Variants in GADL1 observed in about 807,000 individuals in gnomAD.
GADL1 encodes acidic amino acid decarboxylase GADL1.
In GADL1, 71 loss-of-function variants were observed where a neutral mutation model predicts 69.5. The observed-to-expected ratio is 1.02, with a 90% CI of 0.84 to 1.25. The LOEUF (loss-of-function observed/expected upper bound fraction) is 1.25. Ranked by LOEUF, GADL1 falls within the 50% of genes most tolerant of loss-of-function variation. GADL1 has a pLI of 0.00. For synonymous variants in GADL1, 254 were observed against 214.4 expected (o/e 1.18, Z -1.62); for missense variants, 737 against 631.8 (o/e 1.17, Z -1.79).
chr3:30,791,284 T>G (rs548241316), intron 12 of GADL1, among the ~76,000 whole-genome samples: 18 of 152,320 alleles, frequency 1.2e-4, no homozygotes, highest in African/African-American at 3.4e-4. Context: ...ACTGGCAATC[T>G]GTTAACTCAA....
chr3:30,760,811 G>A (rs1575189591), intron 14 of GADL1, among the ~76,000 whole-genome samples: 1 of 152,122 alleles, frequency 6.6e-6, no homozygotes, highest in African/African-American at 2.4e-5. Flanking sequence ...TCAGGTGGGG[G>A]CAGGGTGATG....
At chr3:30,805,575 T>TATG (rs972106600) in intron 11 of GADL1, among the ~76,000 whole-genome samples, 2 of 152,112 alleles carry the variant, frequency 1.3e-5, no homozygotes, top group Non-Finnish European at 2.9e-5. Flanking sequence ...ATTCACTCAT[T>TATG]ATGTGAAAGA....
intron 1 of GADL1, among the ~76,000 whole-genome samples, chr3:30,873,188 A>C (rs1373971664): frequency 6.6e-6 from 1 of 151,940 alleles, no homozygotes; most frequent in Non-Finnish European, 1.5e-5. Context: ...ATGAAACAAA[A>C]ATATAATTGC....
At chr3:30,746,597 A>T (rs1252648734) in intron 14 of GADL1, among the ~76,000 whole-genome samples, 1 of 152,178 alleles carries the variant, frequency 6.6e-6, no homozygotes, top group Non-Finnish European at 1.5e-5. Context: ...ATAAGGTGAC[A>T]GGTGGGCCAA....
chr3:30,783,548 C>T (rs903272786), intron 13 of GADL1, among the ~76,000 whole-genome samples: 4 of 152,152 alleles, frequency 2.6e-5, no homozygotes, highest in Non-Finnish European at 5.9e-5. Flanking sequence ...AATACATGTA[C>T]ATATACATAT....
chr3:30,805,495 T>A (rs977148213), intron 11 of GADL1, among the ~76,000 whole-genome samples: 1 of 152,186 alleles, frequency 6.6e-6, no homozygotes, highest in Non-Finnish European at 1.5e-5. Context: ...TTAGCACCAG[T>A]AATATCCTGT....
chr3:30,772,740 G>A (rs995074987), intron 14 of GADL1, among the ~76,000 whole-genome samples: 1 of 152,162 alleles, frequency 6.6e-6, no homozygotes, highest in Admixed American at 6.5e-5. Context: ...TCAGGGCATA[G>A]TGGTGAGCAG....
At chr3:30,739,131 G>A (rs959373872) in intron 14 of GADL1, among the ~76,000 whole-genome samples, 6 of 152,196 alleles carry the variant, frequency 3.9e-5, no homozygotes, top group African/African-American at 1.4e-4. Flanking sequence ...TCAGGCTTGG[G>A]AGGCCTAGCT....
chr3:30,759,425 C>T (rs1264666782), intron 14 of GADL1, among the ~76,000 whole-genome samples: 2 of 152,132 alleles, frequency 1.3e-5, no homozygotes, highest in African/African-American at 4.8e-5. Flanking sequence ...TACAGTAACT[C>T]TTAGAAACAT....
intron 14 of GADL1, among the ~76,000 whole-genome samples, chr3:30,753,209 CAG>C (rs985207648): frequency 1.3e-5 from 2 of 152,106 alleles, no homozygotes; most frequent in African/African-American, 2.4e-5. Flanking sequence ...TGCAGGCAAG[CAG>C]AAATTCCCTT....
intron 14 of GADL1, among the ~76,000 whole-genome samples, chr3:30,762,554 C>G (rs548676474): frequency 6.6e-6 from 1 of 152,206 alleles, no homozygotes; most frequent in East Asian, 1.9e-4. Context: ...CAGGCATGCA[C>G]TGAAATAAGC....
intron 13 of GADL1, among the ~76,000 whole-genome samples, chr3:30,779,859 C>T (rs73061080): frequency 6.6e-6 from 1 of 152,122 alleles, no homozygotes; most frequent in South Asian, 2.1e-4. Context: ...GTGGTCCAAT[C>T]TTAGACTTTG....
rs144097051 is a variant in GADL1 at position 30,756,555 on chromosome 3, G to C, written c.1392+21624C>G. ...TAGCCTGGTCTTGGAATTTGCTTTG[G>C]TTCATAGAAAACAGCAGAAGTAATC... On this transcript the variant is annotated intron_variant, in intron 14 of 14. Transcript: ENST00000282538. Among the ~76,000 whole-genome samples, 282 of 152,108 alleles carry C rather than the reference G, an allele frequency of 1.9e-3. 2 individuals carry two copies. Among genetic ancestry groups the C allele is most frequent in the Middle Eastern group, 0.014 (4 of 294 alleles).
chr3:30,782,624 C>T (rs569643411), intron 13 of GADL1, among the ~76,000 whole-genome samples: 2 of 152,174 alleles, frequency 1.3e-5, no homozygotes, highest in Admixed American at 1.3e-4. Context: ...AGGATGAAGA[C>T]ATACAAAGAG....
At chr3:30,861,884 G>T in intron 1 of GADL1, 119 bp from the exon 2 acceptor site, 1 of 636,380 alleles carries the variant, frequency 1.6e-6, no homozygotes, top group South Asian at 2.3e-5. Context: ...ATACATGAAG[G>T]CATCATTTGA....
At chr3:30,799,750 C>G (rs554536812) in intron 12 of GADL1, 1 of 152,188 alleles carries the variant, frequency 6.6e-6, no homozygotes. Context: ...TCCAAGTCAC[C>G]TCTTGAATGC....
chr3:30,757,528 CTAATG>C lies in GADL1; in HGVS notation c.1392+20646_1392+20650del, dbSNP rs532821687. Among the ~76,000 whole-genome samples, 8 of 152,280 alleles carry C rather than the reference CTAATG, an allele frequency of 5.3e-5. No homozygotes were observed. The South Asian group carries it at 1.7e-3, about 32-fold the overall frequency. On this transcript the variant is annotated intron_variant, in intron 14 of 14. Coordinates refer to ENST00000282538, the MANE Select transcript of GADL1 (RefSeq NM_207359.3). ...ACTCTGGCTGTGTACAGCCTTAAAG[CTAATG>C]TAATGCTATTAGTAAATATTGAGGA...
At chr3:30,851,764 C>T (rs978175680) in intron 4 of GADL1, among the ~76,000 whole-genome samples, 2 of 152,082 alleles carry the variant, frequency 1.3e-5, no homozygotes, top group East Asian at 1.9e-4. Context: ...ATGGAGCCTG[C>T]GTGGCAATTT....
intron 13 of GADL1, among the ~76,000 whole-genome samples, chr3:30,780,717 A>T (rs1018612731): frequency 6.6e-6 from 1 of 152,216 alleles, no homozygotes; most frequent in Admixed American, 6.5e-5. Context: ...TTACTAAAAA[A>T]TGCAAAAGGT....
Sources: gnomAD v4.1 joint callset for allele counts (sites outside exome capture counted in the v4.1 genomes callset) on GRCh38, gnomAD v4.1.1 for gene constraint, MANE v1.5 for transcripts, NCBI Gene and HGNC (gene_info 2026-07-23, HGNC 2026-07-21) for gene names.